PUDP: variants seen among roughly 807,000 people sequenced by gnomAD.
The protein encoded by PUDP is pseudouridine-5'-phosphatase.
Under a neutral mutation model 9.4 loss-of-function variants are expected in PUDP, and 8 were observed. That is an observed-to-expected ratio of 0.85 (90% confidence interval 0.50 to 1.53). PUDP has a LOEUF of 1.53. Among genes scored for constraint, PUDP ranks in the 40% most tolerant of loss-of-function variants. The pLI, the probability that PUDP is intolerant of heterozygous loss-of-function variation, is 0.00. For missense variants in PUDP, 188 were observed against 189.7 expected (o/e 0.99, Z 0.05); for synonymous variants, 99 against 80.7 (o/e 1.23, Z -1.22).
chrX:6,803,060 TATAAA>T (rs374121914), intron 3 of PUDP, among the ~76,000 whole-genome samples: 446 of 7,812 alleles, frequency 0.057, 16 homozygotes, highest in Non-Finnish European at 0.065. Flanking sequence ...TAAAATAAAA[TATAAA>T]ATAAAATAAA....
chrX:6,978,459 TTTTAG>T (rs960799253), intron 1 of PUDP, among the ~76,000 whole-genome samples: 19 of 112,418 alleles, frequency 1.7e-4, no homozygotes, highest in African/African-American at 6.1e-4. Flanking sequence ...ATTTGTTTAA[TTTTAG>T]TTTAATTTGT....
At chrX:6,837,951 CAATAGA>C (rs983566401) in intron 3 of PUDP, among the ~76,000 whole-genome samples, 3 of 109,499 alleles carry the variant, frequency 2.7e-5, no homozygotes, top group African/African-American at 6.6e-5. Context: ...TATCTCAACA[CAATAGA>C]AATATCAATG....
At chrX:6,971,793 A>C (rs1453658518) in intron 3 of PUDP, among the ~76,000 whole-genome samples, 1 of 111,258 alleles carries the variant, frequency 9.0e-6, no homozygotes, top group African/African-American at 3.3e-5. Context: ...TGAATCTATA[A>C]ATTACTTTTG....
intron 1 of PUDP, among the ~76,000 whole-genome samples, chrX:7,121,826 T>C (rs1381954549): frequency 4.5e-5 from 5 of 111,726 alleles, no homozygotes; most frequent in Admixed American, 9.5e-5. Flanking sequence ...TCAGGAGAGC[T>C]CTACCATATC....
intron 1 of PUDP, among the ~76,000 whole-genome samples, chrX:6,985,054 C>G (rs1452252374): frequency 9.0e-6 from 1 of 111,551 alleles, no homozygotes; most frequent in Admixed American, 9.5e-5. Flanking sequence ...CCGGCTGTTC[C>G]CACACCAAAC....
intron 3 of PUDP, among the ~76,000 whole-genome samples, chrX:7,068,842 G>A (rs1233577743): frequency 8.9e-6 from 1 of 111,836 alleles, no homozygotes; most frequent in African/African-American, 3.3e-5. Context: ...GTAGATTTAA[G>A]GTAGGAGAAC....
chrX:6,717,313 T>C (rs1924611540), intron 1 of PUDP, among the ~76,000 whole-genome samples: 1 of 111,437 alleles, frequency 9.0e-6, no homozygotes, highest in African/African-American at 3.3e-5. Flanking sequence ...CACAGAGAGC[T>C]GTAAGTGTCT....
intron 3 of PUDP, among the ~76,000 whole-genome samples, chrX:6,931,027 G>A (rs1029164849): frequency 1.9e-4 from 21 of 110,641 alleles, no homozygotes; most frequent in Non-Finnish European, 2.8e-4. Context: ...ATTTTTATTC[G>A]GGTGTGTGAT....
chrX:6,950,215 G>A (rs1928529181), intron 3 of PUDP, among the ~76,000 whole-genome samples: 1 of 103,919 alleles, frequency 9.6e-6, no homozygotes, highest in African/African-American at 3.5e-5. Context: ...GTGCATGCCT[G>A]TAGTTCCAGC....
intron 2 of PUDP, among the ~76,000 whole-genome samples, chrX:7,100,727 T>C (rs1186691702): frequency 1.8e-5 from 2 of 111,770 alleles, no homozygotes; most frequent in Non-Finnish European, 3.8e-5. Flanking sequence ...GCAAAATGAA[T>C]GGAAACTAGG....
intron 3 of PUDP, among the ~76,000 whole-genome samples, chrX:6,828,358 C>CTA (rs1197170739): frequency 1.0e-5 from 1 of 96,812 alleles, no homozygotes; most frequent in African/African-American, 4.1e-5. Flanking sequence ...GACACTGTTG[C>CTA]TATATATGTG....
intron 2 of PUDP, among the ~76,000 whole-genome samples, chrX:7,099,781 G>A (rs1192548763): frequency 8.9e-6 from 1 of 111,989 alleles, no homozygotes; most frequent in East Asian, 2.8e-4. Context: ...CCATGATCAA[G>A]CCAAAGATAC....
chrX:7,102,494 C>G (rs1214205941), intron 2 of PUDP, among the ~76,000 whole-genome samples: 1 of 109,819 alleles, frequency 9.1e-6, no homozygotes, highest in African/African-American at 3.3e-5. Context: ...TCAATGAAGA[C>G]TAAAGCTTTT....
intron 1 of PUDP, among the ~76,000 whole-genome samples, chrX:6,991,347 C>T (rs753017267): frequency 1.8e-5 from 2 of 110,952 alleles, no homozygotes; most frequent in South Asian, 7.7e-4. Context: ...CCTGCTCAGG[C>T]CCATTATTTT....
intron 3 of PUDP, among the ~76,000 whole-genome samples, chrX:6,900,004 G>A (rs1005898603): frequency 8.1e-5 from 9 of 111,128 alleles, no homozygotes; most frequent in Admixed American, 6.7e-4. Flanking sequence ...CTTGAGGCCA[G>A]GAGTTCAAGA....
chrX:7,105,134 G>A (rs1471617163), intron 2 of PUDP, among the ~76,000 whole-genome samples: 1 of 110,136 alleles, frequency 9.1e-6, no homozygotes, highest in East Asian at 2.9e-4. Flanking sequence ...AGGGCTGAAC[G>A]GCATATAAAC....
At chrX:7,110,476 C>T (rs188545068) in intron 1 of PUDP, among the ~76,000 whole-genome samples, 1 of 111,591 alleles carries the variant, frequency 9.0e-6, no homozygotes, top group Non-Finnish European at 1.9e-5. Context: ...CTGTGAGTTG[C>T]GTTATTTACG....
At chrX:6,944,226 C>G in intron 3 of PUDP, among the ~76,000 whole-genome samples, 1 of 111,101 alleles carries the variant, frequency 9.0e-6, no homozygotes, top group East Asian at 2.8e-4. Context: ...CTGGGGTTCT[C>G]TCTCTCTCCT....
intron 1 of PUDP, among the ~76,000 whole-genome samples, chrX:6,984,087 AGAT>A (rs754717664): frequency 1.2e-4 from 14 of 112,397 alleles, no homozygotes; most frequent in Non-Finnish European, 2.3e-4. Flanking sequence ...GTTAGAAATA[AGAT>A]GATGTCAGCT....
Sources: allele counts gnomAD v4.1 joint callset (sites outside exome capture counted in the v4.1 genomes callset), GRCh38; gene constraint gnomAD v4.1.1; transcripts MANE v1.5; gene names NCBI Gene and HGNC (gene_info 2026-07-23, HGNC 2026-07-21).